PRKAR1B: variants seen among roughly 807,000 people sequenced by gnomAD.
PRKAR1B encodes protein kinase cAMP-dependent type I regulatory subunit beta, also known as cAMP-dependent protein kinase type I-beta regulatory subunit.
PRKAR1B carries 22 observed loss-of-function variants against 46.5 expected under a neutral mutation model. The ratio of observed to expected loss-of-function variants is 0.47; its 90% CI spans 0.34 to 0.68. PRKAR1B has a LOEUF of 0.68. Among genes scored for constraint, PRKAR1B ranks in the 30% least tolerant of loss-of-function variants. PRKAR1B has a pLI of 0.01. For missense variants in PRKAR1B, 445 were observed against 535.6 expected, an observed-to-expected ratio of 0.83 and a Z score of 1.67; for synonymous variants, 259 against 217.7, an observed-to-expected ratio of 1.19 and a Z score of -1.67.
chr7:714,538 CCT>C lies in PRKAR1B; in HGVS notation c.-22-3013_-22-3012del, dbSNP rs1452228126. Among the ~76,000 whole-genome samples, 1 of 152,344 alleles carries C rather than the reference CCT, an allele frequency of 6.6e-6. No homozygotes were observed. Among genetic ancestry groups the C allele is most frequent in the African/African-American group, 2.4e-5 (1 of 41,574 alleles). Reference sequence around the variant, plus strand: ...ATTGCCACGACGGCAGCTCCCACTGCCTCTCTCTTTCACACTTTTCCCCGCCA... The same window carrying C: ...ATTGCCACGACGGCAGCTCCCACTGCCTCTCTTTCACACTTTTCCCCGCCA... On this transcript the variant is annotated intron_variant, in intron 1 of 10. Transcript: ENST00000537384. The surrounding 1 kb of genome is among the most constrained non-coding windows in gnomAD (Gnocchi z 4.3).
chr7:650,662 C>T (rs1169680451), intron 4 of PRKAR1B, among the ~76,000 whole-genome samples: 3 of 152,278 alleles, frequency 2.0e-5, no homozygotes, highest in African/African-American at 7.2e-5. Context: ...TGCCTGGGGA[C>T]AGCCCCTTTT....
chr7:699,219 C>T (rs373122730), intron 2 of PRKAR1B, among the ~76,000 whole-genome samples: 4 of 152,058 alleles, frequency 2.6e-5, no homozygotes, highest in Admixed American at 1.3e-4. Context: ...GGGGAACCCA[C>T]GTTCTCTCTC....
At position 607,598 on chromosome 7, in the gene PRKAR1B, T is replaced by C. The variant is rs1782171326; in HGVS notation, c.441-146A>G. The C allele has an allele frequency of 7.9e-6, 6 of 761,686 alleles. No homozygotes were observed. In the Admixed American group the frequency reaches 1.2e-4, roughly 15 times the overall value. The allele number at this position is 761,686 out of a possible 1,614,324, so 47.2% of individuals were successfully genotyped here. On this transcript the variant is annotated intron_variant, in intron 4 of 10. Transcript: ENST00000537384. ...TCCATGAGAGTTCAAAGAAGAAAAT[T>C]GAAATCCTTCATGACCCGAAGGCCA...
intron 4 of PRKAR1B, among the ~76,000 whole-genome samples, chr7:642,161 G>A (rs1784422548): frequency 1.3e-5 from 2 of 152,102 alleles, no homozygotes; most frequent in South Asian, 4.1e-4. Context: ...CTCCCAAAAT[G>A]TTAGGATGAC....
At chr7:659,137 C>T (rs919418638) in intron 4 of PRKAR1B, among the ~76,000 whole-genome samples, 8 of 152,174 alleles carry the variant, frequency 5.3e-5, no homozygotes, top group African/African-American at 1.4e-4. Context: ...TCTACCAAAA[C>T]TGCATCCCCA....
At chr7:569,010 T>C (rs1327805026) in intron 9 of PRKAR1B, among the ~76,000 whole-genome samples, 2 of 141,782 alleles carry the variant, frequency 1.4e-5, no homozygotes, top group Non-Finnish European at 3.1e-5. Flanking sequence ...AGAGTTGTTA[T>C]TTTTTTTTTT....
At chr7:586,570 C>T (rs1780613003) in intron 7 of PRKAR1B, among the ~76,000 whole-genome samples, 1 of 152,214 alleles carries the variant, frequency 6.6e-6, no homozygotes, top group Non-Finnish European at 1.5e-5. Flanking sequence ...TCTGATCCCC[C>T]CAGCCCGAGG....
chr7:572,259 G>A (rs1054941925), intron 9 of PRKAR1B, among the ~76,000 whole-genome samples: 2 of 152,202 alleles, frequency 1.3e-5, no homozygotes, highest in Non-Finnish European at 2.9e-5. Context: ...GCCTGCGGAG[G>A]AGTGACCGCT....
intron 7 of PRKAR1B, among the ~76,000 whole-genome samples, chr7:586,833 A>C (rs1248048296): frequency 2.0e-5 from 3 of 151,862 alleles, no homozygotes; most frequent in Admixed American, 2.0e-4. Flanking sequence ...GGACCCTCCC[A>C]GCTGCCACAA....
intron 4 of PRKAR1B, among the ~76,000 whole-genome samples, chr7:663,894 C>T (rs962813337): frequency 1.3e-5 from 2 of 152,220 alleles, no homozygotes; most frequent in African/African-American, 4.8e-5. Flanking sequence ...AGGGAGCAGA[C>T]AGGTGGGCGT....
In PRKAR1B at chr7:560,524, C is replaced by T. The variant is rs1449635866; in HGVS notation, c.892-9054G>A. 6.6e-6 allele frequency among the ~76,000 whole-genome samples: 1 copy of T among 152,130 alleles called. No homozygotes were observed. The highest frequency in any genetic ancestry group is 1.5e-5 in the Non-Finnish European group (1 of 68,022). ...ACACACGAGCTTAACCCAGGCTTCC[C>T]CCTGACCTGGCCAGGAACAAATGGG... is the stretch of plus-strand genomic sequence containing the variant. On this transcript the variant is annotated intron_variant, in intron 9 of 10. Transcript: ENST00000537384. The surrounding 1 kb of genome is among the most constrained non-coding windows in gnomAD (Gnocchi z 4.2).
intron 9 of PRKAR1B, among the ~76,000 whole-genome samples, chr7:556,902 G>A (rs950426762): frequency 1.7e-4 from 26 of 152,184 alleles, no homozygotes; most frequent in African/African-American, 4.8e-4. Context: ...TGCCTCCCCC[G>A]GCTCCCAGGG....
rs1186232599 is a variant in PRKAR1B, at chr7:727,273, G to A, written c.-86C>T. On this transcript the variant is annotated 5_prime_UTR_variant, in exon 1 of 11. Transcript: ENST00000537384. The stretch of plus-strand genomic sequence containing the variant: ...CGACCCCTTCGCCGCCGTGCGCCGC[G>A]AGAGCTGCAGCTGCGCCGCCGCCCT... The A allele has an allele frequency of 2.3e-6, 3 of 1,319,130 alleles. No individual in the cohort carries two copies. The highest frequency in any genetic ancestry group is 1.5e-5 in the African/African-American group (1 of 64,532). 81.7% of individuals were successfully genotyped at this position (1,319,130 alleles called of 1,614,324 possible). A position where few individuals can be genotyped will look rare whatever the true frequency, so the allele number is the denominator to read the frequency against.
At chr7:707,565 C>T (rs1319689714) in intron 2 of PRKAR1B, among the ~76,000 whole-genome samples, 1 of 152,046 alleles carries the variant, frequency 6.6e-6, no homozygotes, top group African/African-American at 2.4e-5. Flanking sequence ...CTCAGAACCT[C>T]AGAACCTCAG....
Position 715,913 on chromosome 7 carries a change from C to T in PRKAR1B, c.-22-4386G>A, listed in dbSNP as rs536031680. 2.0e-5 allele frequency among the ~76,000 whole-genome samples: 3 copies of T among 152,252 alleles called. No homozygotes were observed. In the East Asian group the frequency reaches 5.8e-4, roughly 29 times the overall value. ...TGTATTTTTAGTAGAGATGGGGTTTCACCGTGTTAGCCAGGATGGTCTCGG... is the reference window on the plus strand; with the variant it reads ...TGTATTTTTAGTAGAGATGGGGTTTTACCGTGTTAGCCAGGATGGTCTCGG... On this transcript the variant is annotated intron_variant, in intron 1 of 10. Coordinates refer to ENST00000537384, the MANE Select transcript of PRKAR1B (RefSeq NM_001164760.2).
chr7:657,107 G>A, intron 4 of PRKAR1B, among the ~76,000 whole-genome samples: 1 of 152,242 alleles, frequency 6.6e-6, no homozygotes, highest in Admixed American at 6.5e-5. Flanking sequence ...ATGAGTGAAT[G>A]CATGGATGGA....
chr7:722,104 T>C (rs1269503335), intron 1 of PRKAR1B, among the ~76,000 whole-genome samples: 1 of 142,760 alleles, frequency 7.0e-6, no homozygotes, highest in Non-Finnish European at 1.5e-5. Context: ...GCCTTTTTTT[T>C]TTTTTTTTTT....
intron 9 of PRKAR1B, 82 bp from the exon 10 acceptor site, chr7:551,552 G>A (rs934752068): frequency 8.0e-6 from 11 of 1,379,780 alleles, no homozygotes; most frequent in Middle Eastern, 2.5e-4. Context: ...CCCACAGGGG[G>A]TCACCACCCA....
chr7:694,158 G>A (rs1039610087), intron 2 of PRKAR1B, among the ~76,000 whole-genome samples: 6 of 152,054 alleles, frequency 3.9e-5, no homozygotes, highest in Non-Finnish European at 5.9e-5. Context: ...GGTGGTGTGC[G>A]CCTGTAGTCC....
Sources: gnomAD v4.1 joint callset for allele counts (sites outside exome capture counted in the v4.1 genomes callset) on GRCh38, gnomAD v4.1.1 for gene constraint, Gnocchi (gnomAD v3.1) non-coding constraint, MANE v1.5 for transcripts, NCBI Gene and HGNC (gene_info 2026-07-23, HGNC 2026-07-21) for gene names.